EIF4G3: variants seen among roughly 807,000 people sequenced by gnomAD.
The protein encoded by EIF4G3 is eukaryotic translation initiation factor 4 gamma 3.
EIF4G3 carries 34 observed loss-of-function variants against 186.4 expected under a neutral mutation model. The observed-to-expected ratio is 0.18, with a 90% CI of 0.14 to 0.24. The LOEUF (loss-of-function observed/expected upper bound fraction) is 0.24, where lower values mean the gene tolerates loss of function less well. Ranked by LOEUF, EIF4G3 falls within the 10% of genes least tolerant of loss-of-function variation. The pLI is 1.00. For missense variants in EIF4G3, 1,536 were observed against 1,948.5 expected (o/e 0.79, Z 3.99); for synonymous variants, 673 against 679.5 (o/e 0.99, Z 0.15).
At chr1:20,838,015 T>C (rs746117946) in intron 30 of EIF4G3, among the ~76,000 whole-genome samples, 3 of 152,148 alleles carry the variant, frequency 2.0e-5, no homozygotes, top group Admixed American at 6.5e-5. Flanking sequence ...TGGTGAAACA[T>C]GAAGTAATTG....
At chr1:21,088,426 T>TAA (rs75903671) in intron 3 of EIF4G3, among the ~76,000 whole-genome samples, 7 of 151,414 alleles carry the variant, frequency 4.6e-5, no homozygotes, top group East Asian at 3.9e-4. Flanking sequence ...TCTCAAAATT[T>TAA]AAAAAAAAAG....
At chr1:20,815,652 G>A (rs1224945371) in intron 34 of EIF4G3, among the ~76,000 whole-genome samples, 20 of 144,480 alleles carry the variant, frequency 1.4e-4, no homozygotes, top group East Asian at 6.3e-4. Context: ...AGGGAGGTGG[G>A]GGGGGGTCAG....
At chr1:20,849,095 AG>A (rs1380312663) in intron 29 of EIF4G3, among the ~76,000 whole-genome samples, 11 of 150,452 alleles carry the variant, frequency 7.3e-5, no homozygotes, top group Non-Finnish European at 1.6e-4. Flanking sequence ...AGCTATATAC[AG>A]GGTGCCAGAA....
intron 2 of EIF4G3, among the ~76,000 whole-genome samples, chr1:21,132,376 G>A (rs1573036829): frequency 6.6e-6 from 1 of 151,916 alleles, no homozygotes; most frequent in East Asian, 1.9e-4. Flanking sequence ...AATAAGCCTA[G>A]GAAAAAATGC....
intron 3 of EIF4G3, among the ~76,000 whole-genome samples, chr1:21,079,109 A>G (rs2095681779): frequency 6.6e-6 from 1 of 152,168 alleles, no homozygotes; most frequent in Non-Finnish European, 1.5e-5. Context: ...AGTTTAAATG[A>G]TATATTTGCC....
intron 4 of EIF4G3, among the ~76,000 whole-genome samples, chr1:21,019,681 G>A (rs1182710296): frequency 4.6e-5 from 7 of 152,120 alleles, no homozygotes; most frequent in Non-Finnish European, 7.4e-5. Context: ...TCAAGAGATC[G>A]AGACCATCCT....
intron 7 of EIF4G3, among the ~76,000 whole-genome samples, chr1:20,991,050 TA>T (rs2080983569): frequency 6.6e-6 from 1 of 152,214 alleles, no homozygotes; most frequent in South Asian, 2.1e-4. Flanking sequence ...GGACAAGCTT[TA>T]AAGAGTCCAC....
rs1465247358 is a variant in EIF4G3, at chr1:21,176,198, G to A, written c.-295C>T. The A allele has an allele frequency of 4.7e-6, 2 of 427,766 alleles. No homozygotes were observed. The highest frequency in any genetic ancestry group is 8.2e-6 in the Non-Finnish European group (2 of 244,928). 26.5% of individuals were successfully genotyped at this position (427,766 alleles called of 1,614,324 possible). A position where few individuals can be genotyped will look rare whatever the true frequency, so the allele number is the denominator to read the frequency against. On this transcript the variant is annotated 5_prime_UTR_variant, in exon 2 of 37. Coordinates refer to ENST00000602326, the MANE Select transcript of EIF4G3 (RefSeq NM_001391906.1). ...ACTGTTGGGGCGCCTGAGTCTGGAGGGCCCTGATGTTCGGGTGAGGAGGGG... is the reference window on the plus strand; with the variant it reads ...ACTGTTGGGGCGCCTGAGTCTGGAGAGCCCTGATGTTCGGGTGAGGAGGGG...
In EIF4G3 at chr1:21,038,243, T is replaced by C. The variant is rs555316499; in HGVS notation, c.-67+12623A>G. On this transcript the variant is annotated intron_variant, in intron 4 of 36. Coordinates refer to ENST00000602326, the MANE Select transcript of EIF4G3 (RefSeq NM_001391906.1). ...AAGCTTAGCTTTTACTTATACAGCA[T>C]GACAACTCAGTTTTCTCTCCAATCC... Among the ~76,000 whole-genome samples, 8 of 152,318 alleles carry C rather than the reference T, an allele frequency of 5.3e-5. No individual in the cohort carries two copies. In the South Asian group the frequency reaches 1.5e-3, roughly 28 times the overall value.
At chr1:21,027,445 C>T (rs561476993) in intron 4 of EIF4G3, among the ~76,000 whole-genome samples, 1 of 151,854 alleles carries the variant, frequency 6.6e-6, no homozygotes, top group African/African-American at 2.4e-5. Flanking sequence ...CCTGGCTAAC[C>T]CAGTGAAAGC....
At chr1:20,878,692 A>G (rs1489903302) in intron 20 of EIF4G3, among the ~76,000 whole-genome samples, 1 of 152,218 alleles carries the variant, frequency 6.6e-6, no homozygotes, top group Non-Finnish European at 1.5e-5. Flanking sequence ...CTCGGTAACA[A>G]TAACAGGAAG....
chr1:21,104,221 TA>T (rs2096575756), intron 2 of EIF4G3, among the ~76,000 whole-genome samples: 1 of 152,166 alleles, frequency 6.6e-6, no homozygotes, highest in Non-Finnish European at 1.5e-5. Flanking sequence ...GACAAATGCT[TA>T]AAAGTCTTCT....
intron 2 of EIF4G3, among the ~76,000 whole-genome samples, chr1:21,099,170 T>C (rs2096459922): frequency 6.6e-6 from 1 of 152,094 alleles, no homozygotes; most frequent in Non-Finnish European, 1.5e-5. Context: ...GTTGGTAGAG[T>C]GCAAAATGGT....
At chr1:21,076,008 AT>A (rs1305767099) in intron 3 of EIF4G3, among the ~76,000 whole-genome samples, 1 of 152,200 alleles carries the variant, frequency 6.6e-6, no homozygotes, top group Admixed American at 6.5e-5. Flanking sequence ...CCTAACAGAC[AT>A]TTACAGAACA....
chr1:20,939,847 G>GTTTTTTTTTTTT (rs538504683), intron 14 of EIF4G3, among the ~76,000 whole-genome samples: 1 of 89,954 alleles, frequency 1.1e-5, no homozygotes, highest in Non-Finnish European at 2.2e-5. Context: ...AAGTTGTTTA[G>GTTTTTTTTTTTT]TTTTTTTTTT....
chr1:20,910,570 G>A (rs893373453), intron 14 of EIF4G3, among the ~76,000 whole-genome samples: 4 of 152,132 alleles, frequency 2.6e-5, no homozygotes, highest in African/African-American at 9.7e-5. Context: ...GCGACAGTGT[G>A]AGACTCCGAC....
chr1:21,080,327 AAG>A (rs1365548230), intron 3 of EIF4G3, among the ~76,000 whole-genome samples: 105 of 151,658 alleles, frequency 6.9e-4, no homozygotes, highest in African/African-American at 2.4e-3. Context: ...ACAAAAAAAA[AAG>A]AGAGAGAGAA....
At chr1:20,814,613 C>T (rs2059982377) in intron 34 of EIF4G3, among the ~76,000 whole-genome samples, 1 of 152,088 alleles carries the variant, frequency 6.6e-6, no homozygotes, top group South Asian at 2.1e-4. Context: ...GCTTTTTCAT[C>T]TTAATTTTAA....
At chr1:20,982,292 C>T (rs915446242) in intron 8 of EIF4G3, 96 bp downstream of exon 8, 33 of 859,394 alleles carry the variant, frequency 3.8e-5, no homozygotes, top group Admixed American at 1.0e-4. Context: ...TAGTAAATTT[C>T]CAATGTGAAT....
Sources: gnomAD v4.1 joint callset for allele counts (sites outside exome capture counted in the v4.1 genomes callset) on GRCh38, gnomAD v4.1.1 for gene constraint, MANE v1.5 for transcripts, NCBI Gene and HGNC (gene_info 2026-07-23, HGNC 2026-07-21) for gene names.